Variants in ENTREP2 observed in about 807,000 individuals in gnomAD.
The protein encoded by ENTREP2 is protein ENTREP2.
At chr15:29,296,864 T>C in the ENTREP2 span, among the ~76,000 whole-genome samples, 3 of 152,174 alleles carry the variant, frequency 2.0e-5, no homozygotes, top group African/African-American at 7.2e-5. Flanking sequence ...CTCTAGGCCA[T>C]TGGTTGGCAA....
At chr15:29,389,013 A>G in the ENTREP2 span, among the ~76,000 whole-genome samples, 3 of 151,936 alleles carry the variant, frequency 2.0e-5, no homozygotes, top group Non-Finnish European at 2.9e-5. Context: ...TACCTAATGT[A>G]AATGACGAGT....
chr15:29,628,047 G>A, the ENTREP2 span, among the ~76,000 whole-genome samples: 1 of 152,100 alleles, frequency 6.6e-6, no homozygotes, highest in African/African-American at 2.4e-5. Flanking sequence ...TTAACTTTTT[G>A]CACAACTCAA....
At chr15:29,260,915 G>C in the ENTREP2 span, among the ~76,000 whole-genome samples, 2 of 152,142 alleles carry the variant, frequency 1.3e-5, no homozygotes, top group Non-Finnish European at 2.9e-5. Flanking sequence ...TCCAGGAGGA[G>C]ATAATGATGC....
the ENTREP2 span, among the ~76,000 whole-genome samples, chr15:29,344,812 CA>C: frequency 6.6e-6 from 1 of 151,826 alleles, no homozygotes; most frequent in African/African-American, 2.4e-5. Context: ...AGGCAGAGGA[CA>C]GAGCTATTTA....
the ENTREP2 span, among the ~76,000 whole-genome samples, chr15:29,310,973 A>G: frequency 6.6e-6 from 1 of 152,210 alleles, no homozygotes; most frequent in Non-Finnish European, 1.5e-5. Flanking sequence ...ATGAGTGAAA[A>G]TTCAAGATAA....
At chr15:29,366,781 G>A in the ENTREP2 span, among the ~76,000 whole-genome samples, 24 of 152,184 alleles carry the variant, frequency 1.6e-4, no homozygotes, top group African/African-American at 5.6e-4. Context: ...TGGCTGGAAA[G>A]TAGAAAACTA....
the ENTREP2 span, among the ~76,000 whole-genome samples, chr15:29,125,458 C>T: frequency 2.0e-5 from 3 of 152,258 alleles, no homozygotes; most frequent in South Asian, 2.1e-4. Flanking sequence ...CCACTGCGGG[C>T]TCTGGTTCCT....
chr15:29,273,849 G>T, the ENTREP2 span, among the ~76,000 whole-genome samples: 1 of 152,258 alleles, frequency 6.6e-6, no homozygotes, highest in East Asian at 1.9e-4. Flanking sequence ...TTTGCCAGGG[G>T]TTCAAGGGTC....
At chr15:29,598,011 T>C in the ENTREP2 span, among the ~76,000 whole-genome samples, 3 of 151,876 alleles carry the variant, frequency 2.0e-5, no homozygotes, top group African/African-American at 7.3e-5. Context: ...TAGTCCCAGA[T>C]ACTAAGGAGG....
the ENTREP2 span, among the ~76,000 whole-genome samples, chr15:29,198,605 C>G: frequency 6.6e-6 from 1 of 152,216 alleles, no homozygotes; most frequent in Non-Finnish European, 1.5e-5. Flanking sequence ...ACCTAACACA[C>G]ATACACAAAA....
chr15:29,303,856 T>C, the ENTREP2 span, among the ~76,000 whole-genome samples: 4 of 152,160 alleles, frequency 2.6e-5, no homozygotes, highest in Non-Finnish European at 5.9e-5. Flanking sequence ...TAGTATTCCA[T>C]GGTTTATATG....
At chr15:29,504,222 G>A in the ENTREP2 span, among the ~76,000 whole-genome samples, 1 of 152,154 alleles carries the variant, frequency 6.6e-6, no homozygotes, top group Admixed American at 6.6e-5. Context: ...TGTTGTAAAG[G>A]CAGAACACCA....
the ENTREP2 span, among the ~76,000 whole-genome samples, chr15:29,395,530 CTTTCT>C: frequency 1.6e-4 from 17 of 106,856 alleles, no homozygotes; most frequent in Admixed American, 5.1e-4. Flanking sequence ...TCTCTTTTTT[CTTTCT>C]TTTTTTTTTT....
At chr15:29,545,187 G>A in the ENTREP2 span, among the ~76,000 whole-genome samples, 4 of 152,214 alleles carry the variant, frequency 2.6e-5, no homozygotes, top group Non-Finnish European at 5.9e-5. Context: ...TCTGTCCTAA[G>A]TCCCAGCTGA....
the ENTREP2 span, among the ~76,000 whole-genome samples, chr15:29,506,680 T>C: frequency 3.3e-5 from 5 of 152,216 alleles, no homozygotes; most frequent in South Asian, 2.1e-4. Flanking sequence ...TGAAGTTCAA[T>C]AGAATCCTTT....
the ENTREP2 span, among the ~76,000 whole-genome samples, chr15:29,492,009 G>A: frequency 2.0e-5 from 3 of 152,042 alleles, no homozygotes; most frequent in Admixed American, 2.0e-4. Context: ...CACACAGCAA[G>A]GCCCAATCTG....
chr15:29,166,453 G>A, the ENTREP2 span, among the ~76,000 whole-genome samples: 1 of 152,084 alleles, frequency 6.6e-6, no homozygotes, highest in African/African-American at 2.4e-5. Context: ...TTCTATAACT[G>A]ATAAAAGAAT....
the ENTREP2 span, among the ~76,000 whole-genome samples, chr15:29,172,247 T>C: frequency 6.6e-6 from 1 of 152,198 alleles, no homozygotes; most frequent in Admixed American, 6.5e-5. Context: ...CCAATTCCAG[T>C]TCCATCGTGA....
At chr15:29,482,196 G>T in the ENTREP2 span, among the ~76,000 whole-genome samples, 1 of 144,716 alleles carries the variant, frequency 6.9e-6, no homozygotes, top group Admixed American at 6.9e-5. Context: ...TTTTAGTAGA[G>T]ATGGGATTTC....
Sources: gnomAD v4.1 joint callset for allele counts (sites outside exome capture counted in the v4.1 genomes callset) on GRCh38, gnomAD v4.1.1 for gene constraint, MANE v1.5 for transcripts, NCBI Gene and HGNC (gene_info 2026-07-23, HGNC 2026-07-21) for gene names.